Variants in FHIT observed in about 807,000 individuals in gnomAD.
FHIT encodes bis(5'-adenosyl)-triphosphatase.
A neutral mutation model predicts 17.9 loss-of-function variants in FHIT; 19 were observed. The ratio of observed to expected loss-of-function variants is 1.06; its 90% CI spans 0.74 to 1.56. FHIT has a LOEUF of 1.56. Among genes scored for constraint, FHIT ranks in the 40% most tolerant of loss-of-function variants. The probability of loss-of-function intolerance (pLI) is 0.00; values close to 1 mark genes in which losing one functional copy is unlikely to be tolerated. For missense variants in FHIT, 248 were observed against 189.2 expected (o/e 1.31, Z -1.82); for synonymous variants, 81 against 69.7 (o/e 1.16, Z -0.81).
At chr3:60,469,312 T>C (rs2032961179) in intron 5 of FHIT, among the ~76,000 whole-genome samples, 1 of 152,136 alleles carries the variant, frequency 6.6e-6, no homozygotes, top group Non-Finnish European at 1.5e-5. Context: ...GGCTATTTTG[T>C]AGATTCTGCA....
intron 5 of FHIT, among the ~76,000 whole-genome samples, chr3:60,029,552 C>A (rs893727362): frequency 6.6e-6 from 1 of 152,140 alleles, no homozygotes; most frequent in Non-Finnish European, 1.5e-5. Flanking sequence ...ATTCTCCCAC[C>A]ACACTGCCTG....
At chr3:60,144,679 T>C (rs2107310945) in intron 5 of FHIT, among the ~76,000 whole-genome samples, 1 of 152,168 alleles carries the variant, frequency 6.6e-6, no homozygotes, top group Non-Finnish European at 1.5e-5. Context: ...ATCCGTGTTG[T>C]GTAATGATCC....
chr3:60,232,117 A>G (rs1281790928), intron 5 of FHIT, among the ~76,000 whole-genome samples: 1 of 152,064 alleles, frequency 6.6e-6, no homozygotes, highest in African/African-American at 2.4e-5. Context: ...GTGCCACATT[A>G]TTTTTCAAGC....
At chr3:60,303,687 A>G (rs1352115413) in intron 5 of FHIT, among the ~76,000 whole-genome samples, 1 of 152,146 alleles carries the variant, frequency 6.6e-6, no homozygotes, top group East Asian at 1.9e-4. Flanking sequence ...GCAGTAGACA[A>G]TCGTGCTGAG....
At chr3:59,821,816 C>T (rs1304765854) in intron 8 of FHIT, among the ~76,000 whole-genome samples, 2 of 151,266 alleles carry the variant, frequency 1.3e-5, no homozygotes, top group South Asian at 2.1e-4. Context: ...TTTTTATTTC[C>T]ATAGGTTTTT....
At chr3:60,593,301 G>T (rs1386279790) in intron 4 of FHIT, among the ~76,000 whole-genome samples, 1 of 152,118 alleles carries the variant, frequency 6.6e-6, no homozygotes, top group Non-Finnish European at 1.5e-5. Context: ...TATTACTGTA[G>T]ATTGATATTG....
At position 61,116,888 on chromosome 3, in the gene FHIT, T is replaced by C. The variant is rs796736592; in HGVS notation, c.-163-74789A>G. On this transcript the variant is annotated intron_variant, in intron 2 of 9. Coordinates refer to ENST00000492590, the MANE Select transcript of FHIT (RefSeq NM_002012.4). Reference sequence around the variant, plus strand: ...AAAAAAGCTTCATCTTCCCCAAACATAATTTTATTTAACTGAAAAATATCA... The same window carrying C: ...AAAAAAGCTTCATCTTCCCCAAACACAATTTTATTTAACTGAAAAATATCA... Among the ~76,000 whole-genome samples the C allele has an allele frequency of 5.3e-4, 81 of 152,278 alleles. 1 individual carries two copies. Among genetic ancestry groups the C allele is most frequent in the African/African-American group, 1.9e-3 (79 of 41,564 alleles).
rs57341675 is a variant in FHIT, at chr3:59,871,040, T to A, written c.348+51306A>T. The stretch of plus-strand genomic sequence containing the variant: ...CAATAGGATAAGGCCACCAATTATA[T>A]ACTTGGATGTCATGGTGACTTCAAA... On this transcript the variant is annotated intron_variant, in intron 8 of 9. Coordinates refer to ENST00000492590, the MANE Select transcript of FHIT (RefSeq NM_002012.4). Among the ~76,000 whole-genome samples, 17 of 152,208 alleles carry A rather than the reference T, an allele frequency of 1.1e-4. No individual in the cohort carries two copies. The East Asian group carries it at 2.1e-3, about 19-fold the overall frequency.
chr3:60,535,138 C>T (rs1327534841), intron 5 of FHIT, among the ~76,000 whole-genome samples: 1 of 152,136 alleles, frequency 6.6e-6, no homozygotes, highest in African/African-American at 2.4e-5. Context: ...GCACAAGAAT[C>T]GGTTGAACCC....
intron 5 of FHIT, among the ~76,000 whole-genome samples, chr3:60,327,987 G>C (rs1480768556): frequency 6.6e-6 from 1 of 152,170 alleles, no homozygotes; most frequent in African/African-American, 2.4e-5. Context: ...CCCTGTGAGA[G>C]CTAAAACATG....
intron 4 of FHIT, among the ~76,000 whole-genome samples, chr3:60,773,972 T>C (rs750680546): frequency 2.0e-5 from 3 of 152,254 alleles, no homozygotes; most frequent in Non-Finnish European, 4.4e-5. Flanking sequence ...CTGGATGGGC[T>C]ACTCATTTTA....
intron 5 of FHIT, among the ~76,000 whole-genome samples, chr3:60,140,184 G>A (rs960286849): frequency 3.9e-5 from 6 of 151,992 alleles, no homozygotes; most frequent in African/African-American, 1.5e-4. Flanking sequence ...TATTCCTATA[G>A]ACATATTTTT....
intron 5 of FHIT, among the ~76,000 whole-genome samples, chr3:60,116,033 T>G (rs1158015959): frequency 1.3e-5 from 2 of 152,198 alleles, no homozygotes; most frequent in Non-Finnish European, 2.9e-5. Flanking sequence ...ATTGGAAGTG[T>G]ATTAGAAAAC....
At chr3:60,845,041 C>A (rs1553746075) in intron 3 of FHIT, among the ~76,000 whole-genome samples, 1 of 151,974 alleles carries the variant, frequency 6.6e-6, no homozygotes, top group Admixed American at 6.6e-5. Context: ...TTATTAAATT[C>A]ATTCTGAATA....
chr3:60,044,384 A>C (rs559779356), intron 5 of FHIT, among the ~76,000 whole-genome samples: 4 of 152,220 alleles, frequency 2.6e-5, no homozygotes, highest in Middle Eastern at 3.2e-3. Context: ...CTCCCAAAGC[A>C]TGCAGAACCC....
intron 7 of FHIT, among the ~76,000 whole-genome samples, chr3:59,955,386 T>C (rs867770978): frequency 1.3e-5 from 2 of 152,234 alleles, no homozygotes; most frequent in South Asian, 4.1e-4. Flanking sequence ...ATCCAATTTC[T>C]AAATGTTGGC....
chr3:59,850,153 A>T (rs749618025), intron 8 of FHIT, among the ~76,000 whole-genome samples: 4 of 152,246 alleles, frequency 2.6e-5, no homozygotes, highest in Non-Finnish European at 5.9e-5. Flanking sequence ...AGGTCTTAAC[A>T]CAAAACATTC....
chr3:60,433,445 C>T (rs2029916102), intron 5 of FHIT, among the ~76,000 whole-genome samples: 1 of 152,006 alleles, frequency 6.6e-6, no homozygotes, highest in Non-Finnish European at 1.5e-5. Flanking sequence ...AGTGGTATTG[C>T]TAGATCATGG....
intron 2 of FHIT, among the ~76,000 whole-genome samples, chr3:61,051,447 A>C (rs1227341973): frequency 6.6e-6 from 1 of 151,928 alleles, no homozygotes; most frequent in East Asian, 1.9e-4. Context: ...ACGAGGCTTC[A>C]CCATGTTGCC....
Sources: allele counts gnomAD v4.1 joint callset (sites outside exome capture counted in the v4.1 genomes callset), GRCh38; gene constraint gnomAD v4.1.1; transcripts MANE v1.5; gene names NCBI Gene and HGNC (gene_info 2026-07-23, HGNC 2026-07-21).